The following ASAP1 variants were observed in gnomAD, a reference collection of about 807,000 sequenced individuals.
ASAP1 encodes arf-GAP with SH3 domain, ANK repeat and PH domain-containing protein 1.
A neutral mutation model predicts 145.2 loss-of-function variants in ASAP1; 43 were observed. That is an observed-to-expected ratio of 0.30 (90% CI 0.23 to 0.38). The LOEUF (loss-of-function observed/expected upper bound fraction) is 0.38, where lower values mean the gene tolerates loss of function less well. Ranked by LOEUF, ASAP1 falls within the 10% of genes least tolerant of loss-of-function variation. The probability of loss-of-function intolerance (pLI) is 1.00; values close to 1 mark genes in which losing one functional copy is unlikely to be tolerated. For synonymous variants in ASAP1, 546 were observed against 515.5 expected, an observed-to-expected ratio of 1.06 and a Z score of -0.80; for missense variants, 1,018 against 1,355.3, an observed-to-expected ratio of 0.75 and a Z score of 3.91.
intron 19 of ASAP1, 21 bp from the exon 20 acceptor site, chr8:130,118,267 ATAAG>A (rs760836646): frequency 2.7e-5 from 44 of 1,610,026 alleles, no homozygotes; most frequent in South Asian, 9.9e-5. Context: ...AAAGAAAAGT[ATAAG>A]TAAGTCAATA....
chr8:130,152,491 A>G (rs1565023012), intron 13 of ASAP1: 1 of 321,116 alleles, frequency 3.1e-6, no homozygotes, highest in East Asian at 4.8e-5. Flanking sequence ...AAAAGATAAT[A>G]TTATGAAATC....
intron 3 of ASAP1, among the ~76,000 whole-genome samples, chr8:130,295,215 C>G (rs867027366): frequency 6.6e-6 from 1 of 152,098 alleles, no homozygotes; most frequent in African/African-American, 2.4e-5. Flanking sequence ...CTCAGAAGTT[C>G]AAGGCTACAG....
chr8:130,362,193 AG>A (rs1271292743), intron 2 of ASAP1, among the ~76,000 whole-genome samples: 1 of 152,106 alleles, frequency 6.6e-6, no homozygotes, highest in Non-Finnish European at 1.5e-5. Flanking sequence ...CTTATAACCA[AG>A]GGGGGATGCA....
intron 2 of ASAP1, among the ~76,000 whole-genome samples, chr8:130,396,387 G>A (rs1057318839): frequency 1.3e-5 from 2 of 152,134 alleles, no homozygotes; most frequent in African/African-American, 4.8e-5. Context: ...GAAAAATGAA[G>A]GGAGGGAGGA....
At chr8:130,253,034 G>C (rs1177819142) in intron 3 of ASAP1, among the ~76,000 whole-genome samples, 1 of 152,004 alleles carries the variant, frequency 6.6e-6, no homozygotes, top group Admixed American at 6.6e-5. Flanking sequence ...TATTTGTCTG[G>C]GTCTTGACCT....
intron 27 of ASAP1, among the ~76,000 whole-genome samples, chr8:130,065,662 G>A (rs963207364): frequency 1.3e-5 from 2 of 152,128 alleles, no homozygotes; most frequent in African/African-American, 4.8e-5. Flanking sequence ...TTCAATCACA[G>A]ATCCCTTATA....
chr8:130,155,087 C>T (rs2097655485), intron 12 of ASAP1, among the ~76,000 whole-genome samples: 1 of 152,188 alleles, frequency 6.6e-6, no homozygotes, highest in South Asian at 2.1e-4. Context: ...CTCAATCCAC[C>T]AATCAAACTA....
Position 130,060,903 on chromosome 8 carries a change from C to T in ASAP1, c.2868G>A (p.Pro956=), listed in dbSNP as rs141392919. ...LAPKPQIGDL[P]PKPGELPPKP... ...TGGGGGGCAGTTCTCCTGGCTTAGG[C>T]GGCAAATCTCCAATTTGGGGCTTGG... is the stretch of plus-strand genomic sequence containing the variant. Residue 956 remains proline, a synonymous_variant, in exon 28 of 30, where the codon CCG becomes CCA. Coordinates refer to ENST00000518721, the MANE Select transcript of ASAP1 (RefSeq NM_018482.4). 7.3e-5 allele frequency: 118 copies of T among 1,612,000 alleles called. No homozygotes were observed. Among genetic ancestry groups the T allele is most frequent in the African/African-American group, 1.2e-4 (9 of 74,684 alleles).
At chr8:130,149,548 A>G (rs1040767363) in intron 13 of ASAP1, among the ~76,000 whole-genome samples, 4 of 152,146 alleles carry the variant, frequency 2.6e-5, no homozygotes, top group African/African-American at 9.7e-5. Flanking sequence ...TCATTAATCT[A>G]AATGCATACT....
At chr8:130,368,182 G>C (rs988671589) in intron 2 of ASAP1, among the ~76,000 whole-genome samples, 1 of 152,148 alleles carries the variant, frequency 6.6e-6, no homozygotes, top group Non-Finnish European at 1.5e-5. Context: ...CTTAGAGGTT[G>C]AGAGGCATTA....
intron 3 of ASAP1, among the ~76,000 whole-genome samples, chr8:130,318,723 T>C (rs541739859): frequency 9.2e-5 from 14 of 152,342 alleles, no homozygotes; most frequent in South Asian, 6.2e-4. Context: ...TACTACGTGA[T>C]AGAGTTGGGG....
chr8:130,425,105 C>T (rs989579855), intron 1 of ASAP1, among the ~76,000 whole-genome samples: 3 of 152,184 alleles, frequency 2.0e-5, no homozygotes, highest in East Asian at 3.9e-4. Flanking sequence ...CCGAAGTGGG[C>T]GAAATCACTT....
intron 27 of ASAP1, among the ~76,000 whole-genome samples, chr8:130,070,397 G>A (rs1490655363): frequency 6.6e-6 from 1 of 152,150 alleles, no homozygotes; most frequent in Non-Finnish European, 1.5e-5. Context: ...ACTGGAGAAT[G>A]TTTCCCCTAC....
chr8:130,353,747 G>GTA (rs1228631116), intron 3 of ASAP1, among the ~76,000 whole-genome samples: 1 of 152,174 alleles, frequency 6.6e-6, no homozygotes, highest in Non-Finnish European at 1.5e-5. Context: ...GTGTGCACCT[G>GTA]TAGTCCCAGC....
intron 3 of ASAP1, among the ~76,000 whole-genome samples, chr8:130,291,745 C>G (rs1007947348): frequency 2.0e-5 from 3 of 152,210 alleles, no homozygotes; most frequent in African/African-American, 7.2e-5. Flanking sequence ...GAGATTCACT[C>G]TTGCTTATAT....
At chr8:130,056,245 GT>G (rs2097403843) in intron 29 of ASAP1, among the ~76,000 whole-genome samples, 1 of 152,232 alleles carries the variant, frequency 6.6e-6, no homozygotes, top group East Asian at 1.9e-4. Context: ...ACTGATTCAC[GT>G]GGGGGGGCTT....
At chr8:130,269,105 T>C (rs1820440014) in intron 3 of ASAP1, among the ~76,000 whole-genome samples, 1 of 152,342 alleles carries the variant, frequency 6.6e-6, no homozygotes, top group South Asian at 2.1e-4. Flanking sequence ...AGAAGTGTAC[T>C]TGAAACCAGA....
At chr8:130,234,482 C>G (rs927435181) in intron 4 of ASAP1, among the ~76,000 whole-genome samples, 1 of 152,116 alleles carries the variant, frequency 6.6e-6, no homozygotes, top group Admixed American at 6.6e-5. Context: ...ACTCTGCATA[C>G]AGCCCTTGAA....
At chr8:130,419,816 G>T (rs1409288237) in intron 1 of ASAP1, among the ~76,000 whole-genome samples, 1 of 152,108 alleles carries the variant, frequency 6.6e-6, no homozygotes, top group African/African-American at 2.4e-5. Context: ...CTCTGGCCAG[G>T]GCTCCTTCGC....
Sources: allele counts gnomAD v4.1 joint callset (sites outside exome capture counted in the v4.1 genomes callset), GRCh38; gene constraint gnomAD v4.1.1; transcripts MANE v1.5; gene names NCBI Gene and HGNC (gene_info 2026-07-23, HGNC 2026-07-21).